METTL15: variants seen among roughly 807,000 people sequenced by gnomAD.
The protein encoded by METTL15 is 12S rRNA N(4)-cytidine methyltransferase METTL15.
A neutral mutation model predicts 38.3 loss-of-function variants in METTL15; 34 were observed. The ratio of observed to expected loss-of-function variants is 0.89; its 90% confidence interval spans 0.68 to 1.18. The LOEUF is 1.18. Among genes scored for constraint, METTL15 ranks in the 50% most tolerant of loss-of-function variants. The probability of loss-of-function intolerance (pLI) is 0.00; values close to 1 mark genes in which losing one functional copy is unlikely to be tolerated. For synonymous variants in METTL15, 162 were observed against 170.9 expected (o/e 0.95, Z 0.41); for missense variants, 438 against 498.4 (o/e 0.88, Z 1.15).
At chr11:28,210,807 T>A (rs1236409539) in intron 3 of METTL15, among the ~76,000 whole-genome samples, 1 of 151,980 alleles carries the variant, frequency 6.6e-6, no homozygotes. Context: ...GAGAGAAATA[T>A]AAATTTGTCT....
At position 28,372,615 on chromosome 11, in the gene METTL15, T is replaced by TG. The variant is rs1850257326; in HGVS notation, c.*358+10579_*358+10580insG. On this transcript the variant is annotated intron_variant and NMD_transcript_variant, in intron 5 of 7. Transcript: ENST00000532947. The stretch of plus-strand genomic sequence containing the variant: ...CTCAGAGACCACATTATTCTTTTTT[T>TG]TTTCCTTTTTTTTATTATTATACTT... 4.6e-5 allele frequency among the ~76,000 whole-genome samples: 7 copies of TG among 151,980 alleles called. No individual in the cohort carries two copies. In the South Asian group the frequency reaches 1.2e-3, roughly 27 times the overall value.
At chr11:28,406,046 C>A (rs1490387489) in intron 5 of METTL15, among the ~76,000 whole-genome samples, 2 of 152,112 alleles carry the variant, frequency 1.3e-5, no homozygotes, top group African/African-American at 4.8e-5. Flanking sequence ...TAGCACAATG[C>A]CTCCAGCGTT....
intron 6 of METTL15, among the ~76,000 whole-genome samples, chr11:28,445,682 C>T (rs192907127): frequency 1.1e-4 from 16 of 152,160 alleles, no homozygotes; most frequent in East Asian, 1.9e-4. Flanking sequence ...GACAGGGTCT[C>T]GCTCTGTCAC....
chr11:28,238,906 A>T (rs1386877795), intron 4 of METTL15, among the ~76,000 whole-genome samples: 1 of 152,226 alleles, frequency 6.6e-6, no homozygotes, highest in East Asian at 1.9e-4. Context: ...ATAAGCCATC[A>T]GCATCGTGTG....
intron 6 of METTL15, among the ~76,000 whole-genome samples, chr11:28,455,425 A>G (rs2133450951): frequency 6.6e-6 from 1 of 152,074 alleles, no homozygotes; most frequent in Middle Eastern, 3.4e-3. Context: ...ACCATAGACA[A>G]TGCATTAAGG....
chr11:28,299,065 T>C (rs1031891785), intron 6 of METTL15, among the ~76,000 whole-genome samples: 1 of 152,096 alleles, frequency 6.6e-6, no homozygotes, highest in East Asian at 1.9e-4. Context: ...CTCTTTCCTA[T>C]TTATTGTGAT....
chr11:28,255,945 C>T (rs7116788), intron 4 of METTL15, among the ~76,000 whole-genome samples: 2,805 of 152,252 alleles, frequency 0.018, 36 homozygotes, highest in Middle Eastern at 0.031. Flanking sequence ...TCAGGTGATC[C>T]GCCTGCCTCG....
intron 6 of METTL15, among the ~76,000 whole-genome samples, chr11:28,507,981 C>G (rs1851643668): frequency 6.6e-6 from 1 of 152,164 alleles, no homozygotes. Context: ...GGTTTCCCAG[C>G]CCATTATAAA....
intron 5 of METTL15, among the ~76,000 whole-genome samples, chr11:28,379,620 G>A (rs999794709): frequency 1.9e-4 from 29 of 152,046 alleles, no homozygotes; most frequent in African/African-American, 5.3e-4. Flanking sequence ...CTTGTTTTGA[G>A]GCCTACCATG....
At chr11:28,526,068 G>A (rs1851808840) in intron 6 of METTL15, among the ~76,000 whole-genome samples, 1 of 152,350 alleles carries the variant, frequency 6.6e-6, no homozygotes, top group African/African-American at 2.4e-5. Flanking sequence ...ACTGCCCAGG[G>A]CCACTCTGAG....
At chr11:28,222,311 T>C (rs1379614539) in intron 4 of METTL15, among the ~76,000 whole-genome samples, 2 of 152,170 alleles carry the variant, frequency 1.3e-5, no homozygotes, top group African/African-American at 2.4e-5. Flanking sequence ...ACTGCTGTGC[T>C]AGCAATGAGT....
intron 3 of METTL15, among the ~76,000 whole-genome samples, chr11:28,165,977 A>G (rs866997896): frequency 6.6e-6 from 1 of 151,814 alleles, no homozygotes; most frequent in South Asian, 2.1e-4. Context: ...TGGGCTTTCT[A>G]TTCTTTTCCA....
chr11:28,347,754 C>G (rs966973461), intron 3 of METTL15, among the ~76,000 whole-genome samples: 5 of 152,206 alleles, frequency 3.3e-5, no homozygotes, highest in African/African-American at 1.2e-4. Flanking sequence ...TTTGAAAATG[C>G]TGTCTCCTGT....
At chr11:28,167,230 G>A (rs189442845) in intron 3 of METTL15, among the ~76,000 whole-genome samples, 99 of 152,242 alleles carry the variant, frequency 6.5e-4, no homozygotes, top group African/African-American at 2.2e-3. Flanking sequence ...TGGAAGTCTT[G>A]TCTGTAACCA....
chr11:28,197,573 AT>A, intron 3 of METTL15: 1 of 433,672 alleles, frequency 2.3e-6, no homozygotes. Context: ...CCTAACAAGG[AT>A]TTCCTGGTGG....
At chr11:28,462,612 T>C (rs1335856295) in intron 6 of METTL15, among the ~76,000 whole-genome samples, 4 of 151,818 alleles carry the variant, frequency 2.6e-5, no homozygotes, top group African/African-American at 9.7e-5. Flanking sequence ...CCTGAGAAAC[T>C]GATGGTGGTC....
At chr11:28,259,374 C>T (rs887795474) in intron 4 of METTL15, among the ~76,000 whole-genome samples, 9 of 152,030 alleles carry the variant, frequency 5.9e-5, no homozygotes, top group East Asian at 3.9e-4. Flanking sequence ...GTCCCTTAGC[C>T]GCCCCGGCCT....
At chr11:28,175,193 C>A (rs529700446) in intron 3 of METTL15, among the ~76,000 whole-genome samples, 2 of 151,264 alleles carry the variant, frequency 1.3e-5, no homozygotes, top group African/African-American at 2.4e-5. Context: ...TGAGAACATG[C>A]GGTGTTTGGT....
chr11:28,414,645 C>T (rs1215294731), intron 5 of METTL15, among the ~76,000 whole-genome samples: 1 of 152,020 alleles, frequency 6.6e-6, no homozygotes, highest in Admixed American at 6.6e-5. Context: ...TTTGTTTAGT[C>T]GTTTATTTTT....
Sources: gnomAD v4.1 joint callset for allele counts (sites outside exome capture counted in the v4.1 genomes callset) on GRCh38, gnomAD v4.1.1 for gene constraint, MANE v1.5 for transcripts, NCBI Gene and HGNC (gene_info 2026-07-23, HGNC 2026-07-21) for gene names.